The following TENM4 variants were observed in gnomAD, a reference collection of about 807,000 sequenced individuals.
The protein encoded by TENM4 is teneurin-4.
In TENM4, 82 loss-of-function variants were observed where a neutral mutation model predicts 243.3. That is an observed-to-expected ratio of 0.34 (90% CI 0.28 to 0.40). The LOEUF (loss-of-function observed/expected upper bound fraction) is 0.40, where lower values mean the gene tolerates loss of function less well. Ranked by LOEUF, TENM4 falls within the 10% of genes least tolerant of loss-of-function variation. TENM4 has a pLI of 1.00. For missense variants in TENM4, 3,138 were observed against 3,673.3 expected (o/e 0.85, Z 3.77); for synonymous variants, 1,412 against 1,456.3 (o/e 0.97, Z 0.69).
intron 1 of TENM4, among the ~76,000 whole-genome samples, chr11:79,402,567 C>A (rs1324475504): frequency 3.3e-5 from 5 of 152,122 alleles, no homozygotes; most frequent in African/African-American, 1.2e-4. Flanking sequence ...CTTGGTCCCA[C>A]CCACAAGTGC....
intron 1 of TENM4, among the ~76,000 whole-genome samples, chr11:79,314,247 A>G (rs956388243): frequency 3.3e-5 from 5 of 152,218 alleles, no homozygotes; most frequent in Admixed American, 2.6e-4. Flanking sequence ...AGTGAATTAT[A>G]AAGGCAATGG....
chr11:79,353,540 C>T (rs1355196298), intron 1 of TENM4, among the ~76,000 whole-genome samples: 1 of 152,132 alleles, frequency 6.6e-6, no homozygotes, highest in African/African-American at 2.4e-5. Flanking sequence ...CACAAACATG[C>T]CATCCTAGAA....
At chr11:79,015,102 A>G (rs546369511) in intron 6 of TENM4, among the ~76,000 whole-genome samples, 2 of 152,372 alleles carry the variant, frequency 1.3e-5, no homozygotes, top group East Asian at 3.9e-4. Context: ...TCTCTGTAAG[A>G]AGTGCAGCAC....
chr11:79,159,599 C>T (rs1409691730), intron 3 of TENM4, among the ~76,000 whole-genome samples: 3 of 152,126 alleles, frequency 2.0e-5, no homozygotes, highest in African/African-American at 7.2e-5. Context: ...CATGACTCTT[C>T]CAGCTTTGCC....
At position 79,438,145 on chromosome 11, in the gene TENM4, C is replaced by T. The variant is rs1859317314; in HGVS notation, c.-321+2364G>A. ...ACTCCCCACCCATGCACATCACCAT[C>T]TCCTGACTGCGGGCTGGGGGGAAGG... On this transcript the variant is annotated intron_variant, in intron 1 of 33. Transcript: ENST00000278550. This position sits in a 1 kb window ranked among gnomAD's most constrained non-coding sequence, Gnocchi z 4.1. Among the ~76,000 whole-genome samples the T allele has an allele frequency of 6.6e-6, 1 of 152,186 alleles. No homozygotes were observed.
Position 78,669,773 on chromosome 11 carries a change from C to T in TENM4, c.6572G>A (p.Arg2191His), listed in dbSNP as rs761633956. Residue 2191 changes from arginine (R) to histidine (H), a missense_variant, in exon 32 of 34, where the codon CGC becomes CAC. By Grantham distance (29) the Arg-to-His change is conservative. Around this residue, in one of 2 missense-constraint regions of TENM4, gnomAD observed 2,467 missense variants for 3,059.1 expected, o/e 0.81. Transcript: ENST00000278550. This position sits in a 1 kb window ranked among gnomAD's most constrained non-coding sequence, Gnocchi z 6.4. ...LKVGPYANTT[R>H]YSYEYDADGQ... ...GTCAGCATCATACTCATAGGAGTAG[C>T]GAGTGGTATTGGCGTAGGGTCCTAC... is the stretch of plus-strand genomic sequence containing the variant. 22 of 1,613,822 alleles carry T rather than the reference C, an allele frequency of 1.4e-5. No homozygotes were observed. The highest frequency in any genetic ancestry group is 1.6e-4 in the Middle Eastern group (1 of 6,084).
chr11:79,353,366 A>G (rs1271036435), intron 1 of TENM4, among the ~76,000 whole-genome samples: 1 of 152,100 alleles, frequency 6.6e-6, no homozygotes, highest in East Asian at 1.9e-4. Context: ...AGAGAGGGAG[A>G]GACTACATCC....
chr11:78,858,368 GAA>G (rs893913516), intron 10 of TENM4, among the ~76,000 whole-genome samples: 2 of 148,854 alleles, frequency 1.3e-5, no homozygotes, highest in African/African-American at 4.9e-5. Flanking sequence ...TGTATATGCT[GAA>G]AAAAAAAAGT....
chr11:79,038,637 C>CT (rs1157434898), intron 6 of TENM4, among the ~76,000 whole-genome samples: 1 of 152,162 alleles, frequency 6.6e-6, no homozygotes, highest in Non-Finnish European at 1.5e-5. Flanking sequence ...GCAGAAACTC[C>CT]TTTTTTTCTC....
At chr11:79,383,990 A>G (rs1858057899) in intron 1 of TENM4, among the ~76,000 whole-genome samples, 1 of 152,142 alleles carries the variant, frequency 6.6e-6, no homozygotes, top group Non-Finnish European at 1.5e-5. Context: ...GAATCAAGAT[A>G]ACCTGCCCCC....
chr11:78,922,928 C>G (rs1240353103), intron 6 of TENM4, among the ~76,000 whole-genome samples: 1 of 152,208 alleles, frequency 6.6e-6, no homozygotes, highest in African/African-American at 2.4e-5. Flanking sequence ...ATCACTACCA[C>G]TTACCACTAT....
At chr11:78,738,670 C>G in intron 19 of TENM4, 100 bp from the exon 20 acceptor site, 1 of 1,258,856 alleles carries the variant, frequency 7.9e-7, no homozygotes, top group Non-Finnish European at 1.1e-6. Context: ...AAATCAGTCA[C>G]TCAGACACAT....
In TENM4 at chr11:78,722,975, T is replaced by C. The variant is rs74413256; in HGVS notation, c.3551-58A>G. 5,377 of 1,593,670 alleles carry C rather than the reference T, an allele frequency of 3.4e-3. 177 individuals are homozygous for C. In the African/African-American group the frequency reaches 0.065, roughly 19 times the overall value. ...AGCAGGAAATGGGTATCTTTTCCTG[T>C]GGTTGACCACAGAGTCACCTGATTT... On this transcript the variant is annotated intron_variant, in intron 23 of 33. Coordinates refer to ENST00000278550, the MANE Select transcript of TENM4 (RefSeq NM_001098816.3).
chr11:78,996,373 C>T (rs1244593371), intron 6 of TENM4, among the ~76,000 whole-genome samples: 1 of 152,138 alleles, frequency 6.6e-6, no homozygotes, highest in Admixed American at 6.5e-5. Flanking sequence ...CCAACTGACC[C>T]TGTGAAGGCA....
intron 3 of TENM4, among the ~76,000 whole-genome samples, chr11:79,205,261 G>A (rs11827871): frequency 1.3e-5 from 2 of 152,138 alleles, no homozygotes; most frequent in East Asian, 3.9e-4. Context: ...TTTTGCAAAA[G>A]TATAAAATAC....
chr11:79,417,705 C>G (rs1432060797), intron 1 of TENM4, among the ~76,000 whole-genome samples: 1 of 152,194 alleles, frequency 6.6e-6, no homozygotes, highest in Non-Finnish European at 1.5e-5. Context: ...GTAAAGTGTC[C>G]TTGCTTCATC....
At chr11:79,355,931 C>G (rs1403276693) in intron 1 of TENM4, among the ~76,000 whole-genome samples, 1 of 152,166 alleles carries the variant, frequency 6.6e-6, no homozygotes, top group Admixed American at 6.5e-5. Context: ...TTACTCTGAT[C>G]TTCTTATGGG....
At chr11:78,900,575 G>A (rs1472789309) in intron 7 of TENM4, among the ~76,000 whole-genome samples, 1 of 152,218 alleles carries the variant, frequency 6.6e-6, no homozygotes, top group Admixed American at 6.5e-5. Flanking sequence ...CTTTTAGAGT[G>A]TGTTTTCTAA....
intron 1 of TENM4, among the ~76,000 whole-genome samples, chr11:79,350,578 C>T (rs117185470): frequency 0.055 from 8,149 of 149,078 alleles, 301 homozygotes; most frequent in Non-Finnish European, 0.081. Context: ...TACAGGTGTG[C>T]ACCACCATAC....
Sources: allele counts gnomAD v4.1 joint callset (sites outside exome capture counted in the v4.1 genomes callset), GRCh38; gene constraint gnomAD v4.1.1; regional missense constraint gnomAD v4.1.1; non-coding constraint Gnocchi (gnomAD v3.1); transcripts MANE v1.5; gene names NCBI Gene and HGNC (gene_info 2026-07-23, HGNC 2026-07-21).